The following PCDHGA6 variants were observed in gnomAD, a reference collection of about 807,000 sequenced individuals.
PCDHGA6 encodes the protein protocadherin gamma-A6.
A neutral mutation model predicts 60.6 loss-of-function variants in PCDHGA6; 41 were observed. The ratio of observed to expected loss-of-function variants is 0.68; its 90% CI spans 0.53 to 0.88. The LOEUF is 0.88. PCDHGA6 is among the 40% of genes least tolerant of loss of function. The pLI is 0.00. For missense variants in PCDHGA6, 1,312 were observed against 1,203.0 expected (o/e 1.09, Z -1.34); for synonymous variants, 594 against 524.4 (o/e 1.13, Z -1.81).
intron 2 of PCDHGA6, among the ~76,000 whole-genome samples, chr5:141,497,767 C>T (rs1419825322): frequency 1.3e-5 from 2 of 152,066 alleles, no homozygotes; most frequent in East Asian, 3.9e-4. Flanking sequence ...TCAAACTCCC[C>T]GACCTCAACT....
chr5:141,472,980 C>CAAAAAAAAAAAAAAAAAGAAAAAAAAA (rs2099309731), intron 1 of PCDHGA6, among the ~76,000 whole-genome samples: 1 of 86,106 alleles, frequency 1.2e-5, no homozygotes, highest in Non-Finnish European at 2.5e-5. Flanking sequence ...GAGTGAAACT[C>CAAAAAAAAAAAAAAAAAGAAAAAAAAA]AAAAAAAAAA....
At chr5:141,434,713 T>C (rs1377558306) in intron 1 of PCDHGA6, among the ~76,000 whole-genome samples, 1 of 152,088 alleles carries the variant, frequency 6.6e-6, no homozygotes, top group Non-Finnish European at 1.5e-5. Flanking sequence ...GGTAAATCTC[T>C]GTTCAGGGCT....
rs770391604 is a variant in PCDHGA6, at chr5:141,431,437, G to A, written c.2424+54930G>A. On this transcript the variant is annotated intron_variant, in intron 1 of 3. Coordinates refer to ENST00000517434, the MANE Select transcript of PCDHGA6 (RefSeq NM_018919.3). The surrounding 1 kb of genome is among the most constrained non-coding windows in gnomAD (Gnocchi z 4.8). ...GCGACCCGGTGCGCACAGGCACCGC[G>A]CGCATCCGCGTGATGGTTCTGGATG... The A allele has an allele frequency of 7.4e-6, 12 of 1,613,710 alleles. No homozygotes were observed. In the East Asian group the frequency reaches 2.5e-4, roughly 33 times the overall value.
rs138408376 is a variant in PCDHGA6 at position 141,421,859 on chromosome 5, T to C, written c.2424+45352T>C. The stretch of plus-strand genomic sequence containing the variant: ...CGAGAGAAAGAGGCTGCTCACCTGC[T>C]CCTCCTCACAGCTTTAGATGGAGGC... On this transcript the variant is annotated intron_variant, in intron 1 of 3. Coordinates refer to ENST00000517434, the MANE Select transcript of PCDHGA6 (RefSeq NM_018919.3). The C allele has an allele frequency of 1.7e-3, 2,741 of 1,613,710 alleles. 8 individuals carry two copies. Among genetic ancestry groups the C allele is most frequent in the Middle Eastern group, 8.1e-3 (49 of 6,062 alleles).
intron 1 of PCDHGA6, chr5:141,442,400 C>G (rs1478739190): frequency 6.6e-6 from 1 of 152,224 alleles, no homozygotes; most frequent in Admixed American, 6.5e-5. Context: ...TCCTACGAAT[C>G]CAGGGCTGAG....
In PCDHGA6 at chr5:141,384,252, CT is replaced by C; in HGVS notation, c.2424+7747del. On this transcript the variant is annotated intron_variant, in intron 1 of 3. Transcript: ENST00000517434. ...CAGACACCAACGATAACCCACCCAC[CT>C]TCCCCCACTCATCCTACTCAGTCTA... 4 of 1,613,902 alleles carry C rather than the reference CT, an allele frequency of 2.5e-6. 1 individual carries two copies. In the South Asian group the frequency reaches 4.4e-5, roughly 18 times the overall value.
At position 141,383,792 on chromosome 5, in the gene PCDHGA6, C is replaced by T. The variant is rs766483523; in HGVS notation, c.2424+7285C>T. On this transcript the variant is annotated intron_variant, in intron 1 of 3. Coordinates refer to ENST00000517434, the MANE Select transcript of PCDHGA6 (RefSeq NM_018919.3). ...AAGATGTTTCATCTGAACTCGCTTA[C>T]AGGAGAAATATCAACTTTAGAAGGA... 2 of 1,613,914 alleles carry T rather than the reference C, an allele frequency of 1.2e-6. No homozygotes were observed. The highest frequency in any genetic ancestry group is 1.1e-5 in the South Asian group (1 of 91,080).
In PCDHGA6 at chr5:141,478,818, C is replaced by T. The variant is rs980032138; in HGVS notation, c.2425-15989C>T. ...AGCACTCTTTTGCTATCACAACTAA[C>T]CAATCTTGCTAAGGGATGGTTAAGC... On this transcript the variant is annotated intron_variant, in intron 1 of 3. Transcript: ENST00000517434. The T allele has an allele frequency of 2.1e-5, 30 of 1,449,330 alleles. No individual in the cohort carries two copies. The African/African-American group carries it at 3.3e-4, about 16-fold the overall frequency. 89.8% of individuals were successfully genotyped at this position (1,449,330 alleles called of 1,614,324 possible). A position where few individuals can be genotyped will look rare whatever the true frequency, so the allele number is the denominator to read the frequency against.
At position 141,473,164 on chromosome 5, in the gene PCDHGA6, G is replaced by A. The variant is rs190029663; in HGVS notation, c.2425-21643G>A. Among the ~76,000 whole-genome samples the A allele has an allele frequency of 1.6e-3, 241 of 152,250 alleles. 5 individuals carry two copies. The highest frequency in any genetic ancestry group is 2.1e-4 in the Non-Finnish European group (14 of 68,014). ...TCTTCAGATCACTAGGGCTAGGAAG[G>A]CCCACTGGTAACTTGAAGGAGTAAA... On this transcript the variant is annotated intron_variant, in intron 1 of 3. Transcript: ENST00000517434.
intron 1 of PCDHGA6, among the ~76,000 whole-genome samples, chr5:141,483,993 G>T (rs1307708919): frequency 6.8e-6 from 1 of 147,882 alleles, no homozygotes; most frequent in Non-Finnish European, 1.5e-5. Flanking sequence ...AGGTTGCTGG[G>T]AGGTCTGGAT....
intron 1 of PCDHGA6, chr5:141,399,501 C>T (rs941107702): frequency 5.6e-6 from 9 of 1,614,032 alleles, no homozygotes; most frequent in Non-Finnish European, 7.6e-6. Flanking sequence ...TCAGTGTACC[C>T]GAAAACAACC....
chr5:141,453,341 C>T (rs1327119655), intron 1 of PCDHGA6, among the ~76,000 whole-genome samples: 2 of 151,822 alleles, frequency 1.3e-5, no homozygotes, highest in East Asian at 3.9e-4. Context: ...CTATGTTTCC[C>T]CAGGCTGACC....
intron 1 of PCDHGA6, chr5:141,393,203 C>T (rs988866288): frequency 6.2e-7 from 1 of 1,613,514 alleles, no homozygotes; most frequent in Admixed American, 1.7e-5. Context: ...ACGATAATAA[C>T]CCAAAATTCC....
intron 1 of PCDHGA6, chr5:141,410,478 C>G (rs767257836): frequency 6.2e-7 from 1 of 1,613,992 alleles, no homozygotes; most frequent in Non-Finnish European, 8.5e-7. Context: ...ATTGCACATA[C>G]GGGTACAAAA....
intron 1 of PCDHGA6, chr5:141,421,506 G>T: frequency 6.2e-7 from 1 of 1,614,076 alleles, no homozygotes; most frequent in Non-Finnish European, 8.5e-7. Context: ...GGATAGACCG[G>T]GAGGAGCTCT....
chr5:141,399,704 T>A, intron 1 of PCDHGA6: 1 of 1,613,424 alleles, frequency 6.2e-7, no homozygotes, highest in Non-Finnish European at 8.5e-7. Context: ...ACCTTCGAAC[T>A]CACACTACAG....
At chr5:141,445,148 C>T (rs1051995635) in intron 1 of PCDHGA6, among the ~76,000 whole-genome samples, 3 of 152,092 alleles carry the variant, frequency 2.0e-5, no homozygotes, top group Non-Finnish European at 4.4e-5. Context: ...TCTAATTGTT[C>T]ATTTCTAGTT....
At chr5:141,412,601 A>G (rs2095565422) in intron 1 of PCDHGA6, 1 of 152,188 alleles carries the variant, frequency 6.6e-6, no homozygotes, top group African/African-American at 2.4e-5. Context: ...ACTAAATAAA[A>G]TTGGCCTATT....
rs753202774 is a variant in PCDHGA6, at chr5:141,487,875, C to A, written c.2425-6932C>A. 33 of 828,628 alleles carry A rather than the reference C, an allele frequency of 4.0e-5. No individual in the cohort carries two copies. Among genetic ancestry groups the A allele is most frequent in the Non-Finnish European group, 5.8e-5 (31 of 536,030 alleles). The allele number at this position is 828,628 out of a possible 1,614,324, so 51.3% of individuals were successfully genotyped here. A position where few individuals can be genotyped will look rare whatever the true frequency, so the allele number is the denominator to read the frequency against. The stretch of plus-strand genomic sequence containing the variant: ...AAGTAATTGGTGATCAAGAGCCAGG[C>A]TGTTGTGGAAGCATGATGATGGAAT... On this transcript the variant is annotated intron_variant, in intron 1 of 3. Coordinates refer to ENST00000517434, the MANE Select transcript of PCDHGA6 (RefSeq NM_018919.3). The surrounding 1 kb of genome is among the most constrained non-coding windows in gnomAD (Gnocchi z 5.0).
Sources: gnomAD v4.1 joint callset for allele counts (sites outside exome capture counted in the v4.1 genomes callset) on GRCh38, gnomAD v4.1.1 for gene constraint, Gnocchi (gnomAD v3.1) non-coding constraint, MANE v1.5 for transcripts, NCBI Gene and HGNC (gene_info 2026-07-23, HGNC 2026-07-21) for gene names.